Variants in SP100 observed in about 807,000 individuals in gnomAD.
SP100 encodes the protein nuclear autoantigen Sp-100.
In SP100, 84 loss-of-function variants were observed where a neutral mutation model predicts 130.0. The observed-to-expected ratio is 0.65, with a 90% CI of 0.54 to 0.77. The LOEUF (loss-of-function observed/expected upper bound fraction) is 0.77, where lower values mean the gene tolerates loss of function less well. Among genes scored for constraint, SP100 ranks in the 30% least tolerant of loss-of-function variants. The pLI is 0.00. For missense variants in SP100, 978 were observed against 1,052.2 expected, an observed-to-expected ratio of 0.93 and a Z score of 0.97; for synonymous variants, 331 against 351.7, an observed-to-expected ratio of 0.94 and a Z score of 0.66.
At chr2:230,475,327 T>G (rs1291225515) in intron 17 of SP100, among the ~76,000 whole-genome samples, 1 of 152,190 alleles carries the variant, frequency 6.6e-6, no homozygotes, top group East Asian at 1.9e-4. Context: ...GTTGACCACT[T>G]GTATGTCTTC....
chr2:230,513,933 A>G (rs1011934551), intron 24 of SP100, among the ~76,000 whole-genome samples: 7 of 152,264 alleles, frequency 4.6e-5, no homozygotes, highest in Non-Finnish European at 1.0e-4. Context: ...TAATATTATA[A>G]TCATAACAAC....
At chr2:230,541,807 G>A in intron 27 of SP100, 85 bp from the exon 28 acceptor site, 2 of 1,438,222 alleles carry the variant, frequency 1.4e-6, no homozygotes, top group Non-Finnish European at 1.9e-6. Context: ...CTATGGATTG[G>A]GGGAACTCCA....
intron 24 of SP100, among the ~76,000 whole-genome samples, chr2:230,512,966 A>C (rs1459396679): frequency 6.6e-6 from 1 of 152,212 alleles, no homozygotes; most frequent in Non-Finnish European, 1.5e-5. Flanking sequence ...TGCTCCTATG[A>C]GAATTTAATG....
At chr2:230,466,079 G>T (rs1044631654) in intron 11 of SP100, among the ~76,000 whole-genome samples, 3 of 150,576 alleles carry the variant, frequency 2.0e-5, no homozygotes, top group African/African-American at 7.3e-5. Context: ...CAGCTACTCA[G>T]GAGGCTGAGG....
At chr2:230,541,485 G>T (rs1015401661) in intron 27 of SP100, 113 bp downstream of exon 27, 5 of 837,824 alleles carry the variant, frequency 6.0e-6, no homozygotes, top group Admixed American at 2.4e-5. Flanking sequence ...TTTAGTTCAG[G>T]CTACTATAGA....
chr2:230,541,148 T>A (rs1575823846), intron 26 of SP100, 152 bp downstream of exon 26: 1 of 1,247,316 alleles, frequency 8.0e-7, no homozygotes, highest in East Asian at 2.4e-5. Flanking sequence ...CAATTCATAT[T>A]CCAAAGAAAA....
At chr2:230,454,230 CA>C (rs1453663545) in intron 8 of SP100, among the ~76,000 whole-genome samples, 1 of 151,882 alleles carries the variant, frequency 6.6e-6, no homozygotes, top group Non-Finnish European at 1.5e-5. Context: ...TTTATTTTTT[CA>C]AAAAGCCAGT....
chr2:230,471,787 G>C (rs537254615), intron 15 of SP100, among the ~76,000 whole-genome samples: 1 of 152,232 alleles, frequency 6.6e-6, no homozygotes, highest in East Asian at 1.9e-4. Flanking sequence ...GAGAAAGGTA[G>C]GCTAGAGTCA....
At chr2:230,506,216 A>G in intron 21 of SP100, 87 bp from the exon 22 acceptor site, 1 of 1,438,148 alleles carries the variant, frequency 7.0e-7, no homozygotes, top group Non-Finnish European at 9.6e-7. Flanking sequence ...CTAAGCCCAA[A>G]GTGGGTGGCC....
chr2:230,467,515 C>T (rs1197889322), intron 13 of SP100, among the ~76,000 whole-genome samples: 1 of 152,220 alleles, frequency 6.6e-6, no homozygotes, highest in Non-Finnish European at 1.5e-5. Context: ...AATGGACTTA[C>T]AGTTCCACAT....
At chr2:230,533,123 G>A (rs767207602) in intron 24 of SP100, among the ~76,000 whole-genome samples, 2 of 152,134 alleles carry the variant, frequency 1.3e-5, no homozygotes, top group Non-Finnish European at 2.9e-5. Context: ...TACTGTGTGT[G>A]TGCTTAATCT....
At chr2:230,514,106 T>C (rs536832353) in intron 24 of SP100, among the ~76,000 whole-genome samples, 51 of 150,464 alleles carry the variant, frequency 3.4e-4, no homozygotes, top group African/African-American at 1.2e-3. Context: ...AGTCATCAAT[T>C]TATAGTTGCT....
intron 24 of SP100, among the ~76,000 whole-genome samples, chr2:230,534,409 A>C (rs1014896740): frequency 2.0e-5 from 3 of 152,248 alleles, no homozygotes; most frequent in Non-Finnish European, 4.4e-5. Flanking sequence ...CCGTCTCAAA[A>C]AAAAGAGAAG....
At chr2:230,462,294 C>T (rs1231209148) in intron 9 of SP100, 141 bp from the exon 10 acceptor site, 4 of 588,162 alleles carry the variant, frequency 6.8e-6, no homozygotes, top group East Asian at 2.8e-5. Flanking sequence ...CTGCAGGTGG[C>T]ATGCATTCAA....
chr2:230,530,415 A>G (rs1016288403), intron 24 of SP100, among the ~76,000 whole-genome samples: 2 of 152,220 alleles, frequency 1.3e-5, no homozygotes, highest in Non-Finnish European at 2.9e-5. Context: ...CTTACACCTT[A>G]CACAAAAATT....
intron 17 of SP100, among the ~76,000 whole-genome samples, chr2:230,479,626 T>G (rs1357652045): frequency 1.3e-5 from 2 of 152,178 alleles, no homozygotes; most frequent in Admixed American, 1.3e-4. Flanking sequence ...AAACTGTCCA[T>G]CACTATTGGA....
intron 17 of SP100, among the ~76,000 whole-genome samples, chr2:230,479,469 T>G (rs2065730354): frequency 6.6e-6 from 1 of 152,190 alleles, no homozygotes; most frequent in Non-Finnish European, 1.5e-5. Flanking sequence ...CTCATCACGC[T>G]TCCCTTTTTA....
At chr2:230,533,960 T>C (rs888341554) in intron 24 of SP100, among the ~76,000 whole-genome samples, 1 of 152,236 alleles carries the variant, frequency 6.6e-6, no homozygotes, top group African/African-American at 2.4e-5. Flanking sequence ...TTTTCTCTTT[T>C]GAACAAAATT....
intron 24 of SP100, among the ~76,000 whole-genome samples, chr2:230,529,737 G>C (rs1188343100): frequency 6.6e-6 from 1 of 152,116 alleles, no homozygotes; most frequent in Non-Finnish European, 1.5e-5. Context: ...AAAGTCTCAG[G>C]ATACAAAATC....
Sources: allele counts gnomAD v4.1 joint callset (sites outside exome capture counted in the v4.1 genomes callset), GRCh38; gene constraint gnomAD v4.1.1; transcripts MANE v1.5; gene names NCBI Gene and HGNC (gene_info 2026-07-23, HGNC 2026-07-21).